The following TCF4 variants were observed in gnomAD, a reference collection of about 807,000 sequenced individuals.
TCF4 encodes SL3-3 enhancer factor 2.
A neutral mutation model predicts 82.1 loss-of-function variants in TCF4; 3 were observed. The ratio of observed to expected loss-of-function variants is 0.04; its 90% confidence interval spans 0.02 to 0.09. TCF4 has a LOEUF of 0.09. TCF4 is among the 10% of genes least tolerant of loss of function. The pLI is 1.00. For synonymous variants in TCF4, 276 were observed against 309.6 expected, an observed-to-expected ratio of 0.89 and a Z score of 1.14; for missense variants, 518 against 852.7, an observed-to-expected ratio of 0.61 and a Z score of 4.89.
intron 3 of TCF4, among the ~76,000 whole-genome samples, chr18:55,562,425 C>A (rs2097363118): frequency 6.6e-6 from 1 of 152,058 alleles, no homozygotes; most frequent in African/African-American, 2.4e-5. Flanking sequence ...TAAAATCAAA[C>A]CACGGAAATG....
At chr18:55,588,837 T>G (rs1169268468), upstream of TCF4, among the ~76,000 whole-genome samples, 1 of 151,476 alleles carries the variant, frequency 6.6e-6, no homozygotes, top group African/African-American at 2.4e-5. Flanking sequence ...AACTGCAAAC[T>G]TCGAAAAAAA....
At chr18:55,473,057 G>A (rs775430534) in intron 3 of TCF4, among the ~76,000 whole-genome samples, 5 of 152,094 alleles carry the variant, frequency 3.3e-5, no homozygotes, top group Non-Finnish European at 5.9e-5. Context: ...TATTTATAGT[G>A]CAAAATCCAT....
At chr18:55,503,019 A>G (rs1211570847) in intron 3 of TCF4, among the ~76,000 whole-genome samples, 1 of 152,194 alleles carries the variant, frequency 6.6e-6, no homozygotes, top group Non-Finnish European at 1.5e-5. Context: ...TTACCAATGG[A>G]TATGAATTAC....
At chr18:55,610,954 G>A (rs2097706473) in intron 2 of TCF4, among the ~76,000 whole-genome samples, 1 of 152,152 alleles carries the variant, frequency 6.6e-6, no homozygotes, top group Admixed American at 6.5e-5. Flanking sequence ...TAGACAGTGG[G>A]CCCAAGAAAA....
intron 3 of TCF4, among the ~76,000 whole-genome samples, chr18:55,578,787 T>A (rs1812056654): frequency 6.6e-6 from 1 of 152,066 alleles, no homozygotes; most frequent in Admixed American, 6.6e-5. Flanking sequence ...CATCCAACAA[T>A]GGATTGCAGT....
chr18:55,405,261 T>A (rs560702534), intron 5 of TCF4, among the ~76,000 whole-genome samples: 14 of 152,326 alleles, frequency 9.2e-5, no homozygotes, highest in Non-Finnish European at 1.9e-4. Context: ...AGCTCTTGCA[T>A]CTAAGAATGC....
chr18:55,354,994 C>T (rs2083153032), intron 6 of TCF4, among the ~76,000 whole-genome samples: 1 of 152,116 alleles, frequency 6.6e-6, no homozygotes, highest in African/African-American at 2.4e-5. Flanking sequence ...CAGATGAAAC[C>T]AGATTAAGCT....
At chr18:55,485,606 C>CA (rs2096502293) in intron 3 of TCF4, among the ~76,000 whole-genome samples, 1 of 152,208 alleles carries the variant, frequency 6.6e-6, no homozygotes, top group East Asian at 1.9e-4. Flanking sequence ...AATCAGCCAG[C>CA]AAATGCCTAA....
intron 15 of TCF4, among the ~76,000 whole-genome samples, chr18:55,252,496 C>T (rs940153497): frequency 6.6e-6 from 1 of 152,010 alleles, no homozygotes; most frequent in African/African-American, 2.4e-5. Flanking sequence ...TCCAACTTCC[C>T]ATCTCCAAAA....
intron 15 of TCF4, among the ~76,000 whole-genome samples, chr18:55,252,964 T>G (rs535192446): frequency 6.1e-4 from 93 of 152,204 alleles, no homozygotes; most frequent in Non-Finnish European, 1.2e-3. Context: ...ATCTAGACTT[T>G]TCTTTTGTAA....
At chr18:55,504,775 T>C (rs77333094) in intron 3 of TCF4, among the ~76,000 whole-genome samples, 72 of 152,282 alleles carry the variant, frequency 4.7e-4, no homozygotes, top group African/African-American at 1.7e-3. Flanking sequence ...GTTGGCAAAA[T>C]GGACTGTAGT....
At chr18:55,286,898 G>A (rs1312645600) in intron 8 of TCF4, among the ~76,000 whole-genome samples, 1 of 152,186 alleles carries the variant, frequency 6.6e-6, no homozygotes. Flanking sequence ...TGACAAATAA[G>A]AGGGTATTTC....
intron 6 of TCF4, among the ~76,000 whole-genome samples, chr18:55,353,458 T>A (rs2082732671): frequency 6.6e-6 from 1 of 152,206 alleles, no homozygotes; most frequent in Non-Finnish European, 1.5e-5. Context: ...CACATTCCTG[T>A]TTCTTTCTCC....
At position 55,227,872 on chromosome 18, in the gene TCF4, G is replaced by T; in HGVS notation, c.*163C>A. The T allele has an allele frequency of 9.2e-6, 2 of 217,048 alleles. No homozygotes were observed. Among genetic ancestry groups the T allele is most frequent in the East Asian group, 1.2e-4 (1 of 8,072 alleles). The allele number at this position is 217,048 out of a possible 1,614,324, so 13.4% of individuals were successfully genotyped here. ...TTGTTTTTCTGTTTTTTGATAATTGGGAATGCTGAAACCTCTTGCGTCTGC... is the reference window on the plus strand; with the variant it reads ...TTGTTTTTCTGTTTTTTGATAATTGTGAATGCTGAAACCTCTTGCGTCTGC... On this transcript the variant is annotated 3_prime_UTR_variant, in exon 20 of 20. Coordinates refer to ENST00000354452, the MANE Select transcript of TCF4 (RefSeq NM_001083962.2).
intron 5 of TCF4, among the ~76,000 whole-genome samples, chr18:55,429,246 C>T (rs1454164765): frequency 6.6e-6 from 1 of 152,224 alleles, no homozygotes; most frequent in Non-Finnish European, 1.5e-5. Context: ...ATCCACACAA[C>T]ACCAGGACCA....
intron 11 of TCF4, chr18:55,267,360 G>A (rs2059412065): frequency 6.6e-6 from 1 of 152,044 alleles, no homozygotes; most frequent in East Asian, 1.9e-4. Flanking sequence ...CATACTGTTT[G>A]TTAGGGTAGT....
At chr18:55,461,929 T>C (rs2095873805) in intron 4 of TCF4, among the ~76,000 whole-genome samples, 1 of 152,176 alleles carries the variant, frequency 6.6e-6, no homozygotes, top group African/African-American at 2.4e-5. Flanking sequence ...TCATCTATAC[T>C]ACATGGTTCA....
chr18:55,537,632 G>T (rs2097128616), intron 3 of TCF4, among the ~76,000 whole-genome samples: 2 of 152,066 alleles, frequency 1.3e-5, no homozygotes, highest in Admixed American at 6.6e-5. Flanking sequence ...GCTAAAGACT[G>T]CCATTCCTAT....
chr18:55,304,849 G>T (rs1358424990), intron 8 of TCF4, among the ~76,000 whole-genome samples: 1 of 152,180 alleles, frequency 6.6e-6, no homozygotes, highest in African/African-American at 2.4e-5. Context: ...AGCTCTGAAA[G>T]CCTGAACCGC....
Sources: gnomAD v4.1 joint callset for allele counts (sites outside exome capture counted in the v4.1 genomes callset) on GRCh38, gnomAD v4.1.1 for gene constraint, MANE v1.5 for transcripts, NCBI Gene and HGNC (gene_info 2026-07-23, HGNC 2026-07-21) for gene names.